KCNK9: variants seen among roughly 807,000 people sequenced by gnomAD.
KCNK9 encodes the protein potassium two pore domain channel subfamily K member 9, also known as potassium channel subfamily K member 9.
KCNK9 carries 1 observed loss-of-function variant against 10.8 expected under a neutral mutation model. The observed-to-expected ratio is 0.09, with a 90% CI of 0.03 to 0.44. KCNK9 has a LOEUF of 0.44. Among genes scored for constraint, KCNK9 ranks in the 20% least tolerant of loss-of-function variants. The probability of loss-of-function intolerance (pLI) is 0.97; values close to 1 mark genes in which losing one functional copy is unlikely to be tolerated. For missense variants in KCNK9, 303 were observed against 515.0 expected (o/e 0.59, Z 3.98); for synonymous variants, 231 against 222.7 (o/e 1.04, Z -0.33).
At chr8:139,694,943 C>G (rs1817016404) in intron 1 of KCNK9, among the ~76,000 whole-genome samples, 1 of 152,234 alleles carries the variant, frequency 6.6e-6, no homozygotes, top group Non-Finnish European at 1.5e-5. Context: ...AAACTGTGAG[C>G]TGGAGGGACT....
chr8:139,640,968 G>A (rs186939664), intron 1 of KCNK9, among the ~76,000 whole-genome samples: 1 of 152,206 alleles, frequency 6.6e-6, no homozygotes, highest in African/African-American at 2.4e-5. Context: ...CTGAATCACA[G>A]GTTTTTAAGA....
chr8:139,618,194 G>T lies in KCNK9; in HGVS notation c.*64C>A. 1 of 1,594,280 alleles carries T rather than the reference G, an allele frequency of 6.3e-7. No individual in the cohort carries two copies. Among genetic ancestry groups the T allele is most frequent in the Non-Finnish European group, 8.6e-7 (1 of 1,162,518 alleles). ...ATAAATAAATAAGAAAAGACGAGTT[G>T]GACCAATGGAAATTAACACCAACTA... On this transcript the variant is annotated 3_prime_UTR_variant, in exon 2 of 2. Coordinates refer to ENST00000520439, the MANE Select transcript of KCNK9 (RefSeq NM_001282534.2). This position sits in a 1 kb window ranked among gnomAD's most constrained non-coding sequence, Gnocchi z 7.9.
chr8:139,663,832 G>A (rs1469861347), intron 1 of KCNK9, among the ~76,000 whole-genome samples: 2 of 152,150 alleles, frequency 1.3e-5, no homozygotes, highest in Non-Finnish European at 2.9e-5. Context: ...ATTAGCAAAC[G>A]ATTGCTGTCG....
chr8:139,701,378 G>A (rs1817214490), intron 1 of KCNK9, among the ~76,000 whole-genome samples: 1 of 152,214 alleles, frequency 6.6e-6, no homozygotes, highest in South Asian at 2.1e-4. Context: ...TTTCAACCAA[G>A]AAGGAAAGAC....
At chr8:139,643,775 C>T (rs377098212) in intron 1 of KCNK9, among the ~76,000 whole-genome samples, 2 of 152,352 alleles carry the variant, frequency 1.3e-5, no homozygotes, top group South Asian at 4.1e-4. Context: ...TCCCCAGGAC[C>T]CCTGGCCAAA....
intron 1 of KCNK9, among the ~76,000 whole-genome samples, chr8:139,679,639 C>T (rs1816639974): frequency 1.3e-5 from 2 of 152,178 alleles, no homozygotes; most frequent in Admixed American, 6.5e-5. Flanking sequence ...GAAGACTGCT[C>T]AGAAAGGCTA....
At chr8:139,656,041 C>T (rs997863919) in intron 1 of KCNK9, among the ~76,000 whole-genome samples, 4 of 152,148 alleles carry the variant, frequency 2.6e-5, no homozygotes, top group African/African-American at 9.7e-5. Flanking sequence ...TACACTCAGC[C>T]ATGAAGCTCC....
chr8:139,646,507 C>T lies in KCNK9; in HGVS notation c.284-27408G>A, dbSNP rs569007705. ...CCAGGGCTCTATCTTGGACTTGACC[C>T]GAGCAATACTTTTCATCAATGACTT... is the stretch of plus-strand genomic sequence containing the variant. On this transcript the variant is annotated intron_variant, in intron 1 of 1. Transcript: ENST00000520439. 5.9e-5 allele frequency among the ~76,000 whole-genome samples: 9 copies of T among 152,310 alleles called. No individual in the cohort carries two copies. The East Asian group carries it at 1.2e-3, about 20-fold the overall frequency.
intron 1 of KCNK9, among the ~76,000 whole-genome samples, chr8:139,628,524 G>A (rs1350972897): frequency 2.0e-5 from 3 of 152,128 alleles, no homozygotes; most frequent in African/African-American, 4.8e-5. Context: ...TGGCCCCCTC[G>A]TCTTCCACAT....
chr8:139,626,748 G>C (rs555553232), intron 1 of KCNK9, among the ~76,000 whole-genome samples: 5 of 152,338 alleles, frequency 3.3e-5, no homozygotes, highest in African/African-American at 1.2e-4. Flanking sequence ...GAAATTTCCT[G>C]CTGGAAGAGA....
chr8:139,685,065 A>G (rs192709868), intron 1 of KCNK9, among the ~76,000 whole-genome samples: 198 of 152,168 alleles, frequency 1.3e-3, no homozygotes, highest in African/African-American at 4.4e-3. Flanking sequence ...GTAACATAAC[A>G]AATAAGTTTG....
At chr8:139,607,755 T>C (rs1814276200), downstream of KCNK9, among the ~76,000 whole-genome samples, 1 of 152,132 alleles carries the variant, frequency 6.6e-6, no homozygotes, top group African/African-American at 2.4e-5. Context: ...CCCAGCCCAC[T>C]GCTGGAAAGA....
Position 139,686,365 on chromosome 8 carries a change from C to G in KCNK9, c.283+16345G>C, listed in dbSNP as rs1226953735. On this transcript the variant is annotated intron_variant, in intron 1 of 1. Coordinates refer to ENST00000520439, the MANE Select transcript of KCNK9 (RefSeq NM_001282534.2). Reference sequence around the variant, plus strand: ...GAGAAAATTTTTGCAATCTATCCATCTGACAAAGGGCTAATATCCAGAATC... The same window carrying G: ...GAGAAAATTTTTGCAATCTATCCATGTGACAAAGGGCTAATATCCAGAATC... 2.0e-5 allele frequency among the ~76,000 whole-genome samples: 3 copies of G among 152,284 alleles called. 1 individual carries two copies. The highest frequency in any genetic ancestry group is 6.8e-3 in the Middle Eastern group (2 of 294).
At chr8:139,697,889 G>A (rs755204925) in intron 1 of KCNK9, among the ~76,000 whole-genome samples, 2 of 152,136 alleles carry the variant, frequency 1.3e-5, no homozygotes, top group African/African-American at 2.4e-5. Flanking sequence ...TCCGAGAAGG[G>A]TGTGGGGAAG....
intron 1 of KCNK9, among the ~76,000 whole-genome samples, chr8:139,621,333 C>T (rs1256206113): frequency 6.7e-6 from 1 of 149,946 alleles, no homozygotes; most frequent in African/African-American, 2.5e-5. Context: ...AAGACACAAA[C>T]TTATAGATTC....
chr8:139,631,306 A>C (rs983186845), intron 1 of KCNK9, among the ~76,000 whole-genome samples: 1 of 152,198 alleles, frequency 6.6e-6, no homozygotes, highest in Admixed American at 6.5e-5. Flanking sequence ...TGGGCCGGGG[A>C]CTGCGCTAAG....
downstream of KCNK9, among the ~76,000 whole-genome samples, chr8:139,608,912 T>C (rs927974475): frequency 1.1e-4 from 17 of 152,174 alleles, no homozygotes; most frequent in Non-Finnish European, 2.2e-4. Context: ...GTGAAGGAAC[T>C]GGCAGACTCG....
At chr8:139,684,331 T>G (rs1816746669) in intron 1 of KCNK9, among the ~76,000 whole-genome samples, 1 of 152,230 alleles carries the variant, frequency 6.6e-6, no homozygotes, top group Non-Finnish European at 1.5e-5. Flanking sequence ...ATTTTCTTTC[T>G]GTCTTTTCTC....
At chr8:139,651,638 A>C (rs753250681) in intron 1 of KCNK9, among the ~76,000 whole-genome samples, 2 of 152,162 alleles carry the variant, frequency 1.3e-5, no homozygotes, top group African/African-American at 2.4e-5. Context: ...GGAGTCAAGG[A>C]TGGAGGCCAA....
Sources: gnomAD v4.1 joint callset for allele counts (sites outside exome capture counted in the v4.1 genomes callset) on GRCh38, gnomAD v4.1.1 for gene constraint, Gnocchi (gnomAD v3.1) non-coding constraint, MANE v1.5 for transcripts, NCBI Gene and HGNC (gene_info 2026-07-23, HGNC 2026-07-21) for gene names.